CADM2: variants seen among roughly 807,000 people sequenced by gnomAD.
The protein encoded by CADM2 is cell adhesion molecule 2, also known as immunoglobulin superfamily member 4D.
A neutral mutation model predicts 49.8 loss-of-function variants in CADM2; 12 were observed. The observed-to-expected ratio is 0.24, with a 90% CI of 0.15 to 0.39. CADM2 has a LOEUF of 0.39. Ranked by LOEUF, CADM2 falls within the 10% of genes least tolerant of loss-of-function variation. The probability of loss-of-function intolerance (pLI) is 1.00; values close to 1 mark genes in which losing one functional copy is unlikely to be tolerated. For missense variants in CADM2, 378 were observed against 492.3 expected (o/e 0.77, Z 2.20); for synonymous variants, 214 against 175.4 (o/e 1.22, Z -1.74).
chr3:85,296,602 G>A (rs1469209034), intron 1 of CADM2, among the ~76,000 whole-genome samples: 2 of 151,924 alleles, frequency 1.3e-5, no homozygotes, highest in Non-Finnish European at 2.9e-5. Context: ...TGATACCTTA[G>A]AGTCTCACTC....
At chr3:85,911,702 G>A (rs1358533032) in intron 5 of CADM2, among the ~76,000 whole-genome samples, 1 of 152,024 alleles carries the variant, frequency 6.6e-6, no homozygotes, top group African/African-American at 2.4e-5. Flanking sequence ...CTTCCTAACT[G>A]TGCTTGTGGC....
chr3:85,545,665 AT>A (rs1382883205), intron 1 of CADM2, among the ~76,000 whole-genome samples: 16 of 152,174 alleles, frequency 1.1e-4, no homozygotes, highest in Admixed American at 1.0e-3. Flanking sequence ...TGTTTGATGC[AT>A]CCAATATGGA....
intron 1 of CADM2, among the ~76,000 whole-genome samples, chr3:85,411,197 A>G (rs2035641588): frequency 6.6e-6 from 1 of 152,100 alleles, no homozygotes; most frequent in Non-Finnish European, 1.5e-5. Flanking sequence ...AAGCAATATG[A>G]CTTCAGAAAA....
intron 1 of CADM2, among the ~76,000 whole-genome samples, chr3:85,132,323 A>C (rs2039259186): frequency 6.6e-6 from 1 of 152,184 alleles, no homozygotes; most frequent in African/African-American, 2.4e-5. Context: ...AACTGGCCTT[A>C]TATTGTCCAT....
chr3:86,062,791 A>G (rs1738833139), intron 8 of CADM2, among the ~76,000 whole-genome samples: 2 of 150,932 alleles, frequency 1.3e-5, no homozygotes, highest in Non-Finnish European at 2.9e-5. Context: ...AAAACGAAAC[A>G]TAGTGTGTAT....
At chr3:86,017,152 A>ATATG (rs1559803027) in intron 8 of CADM2, among the ~76,000 whole-genome samples, 13 of 135,336 alleles carry the variant, frequency 9.6e-5, no homozygotes, top group African/African-American at 4.2e-4. Context: ...GTGTATATAT[A>ATATG]TGTGTGTGTG....
intron 1 of CADM2, among the ~76,000 whole-genome samples, chr3:85,226,552 A>G (rs1204778006): frequency 6.7e-6 from 1 of 149,804 alleles, no homozygotes; most frequent in Non-Finnish European, 1.5e-5. Flanking sequence ...TATTTTGTTG[A>G]TCTTTTCCAA....
intron 1 of CADM2, among the ~76,000 whole-genome samples, chr3:85,510,790 T>C (rs980895574): frequency 8.5e-5 from 13 of 152,180 alleles, no homozygotes; most frequent in African/African-American, 3.1e-4. Context: ...ATAAAAACAA[T>C]TGAGTTTCTA....
intron 1 of CADM2, among the ~76,000 whole-genome samples, chr3:85,187,586 C>A (rs1252903066): frequency 6.6e-6 from 1 of 152,046 alleles, no homozygotes; most frequent in Non-Finnish European, 1.5e-5. Flanking sequence ...TGAACCTCCT[C>A]TGGCCTGAAA....
chr3:85,891,082 T>C (rs760164333), intron 5 of CADM2, among the ~76,000 whole-genome samples: 23 of 152,180 alleles, frequency 1.5e-4, no homozygotes, highest in Admixed American at 3.3e-4. Context: ...AACTCTGTTT[T>C]TTATCCCCTT....
intron 8 of CADM2, among the ~76,000 whole-genome samples, chr3:85,999,800 C>T (rs887966126): frequency 6.6e-6 from 1 of 151,864 alleles, no homozygotes; most frequent in Non-Finnish European, 1.5e-5. Flanking sequence ...CTTTAAAAGT[C>T]GATGGGACAT....
intron 1 of CADM2, among the ~76,000 whole-genome samples, chr3:85,620,445 A>G (rs2063938354): frequency 6.6e-6 from 1 of 152,058 alleles, no homozygotes; most frequent in Non-Finnish European, 1.5e-5. Context: ...TCTAAATAAA[A>G]CAACTTAAAA....
chr3:85,238,583 T>C (rs2042460551), intron 1 of CADM2, among the ~76,000 whole-genome samples: 1 of 151,696 alleles, frequency 6.6e-6, no homozygotes, highest in Admixed American at 6.6e-5. Context: ...ACTAGCCAGA[T>C]CAACAGCTTA....
intron 1 of CADM2, among the ~76,000 whole-genome samples, chr3:85,258,124 T>A (rs2042931618): frequency 6.6e-6 from 1 of 152,090 alleles, no homozygotes; most frequent in South Asian, 2.1e-4. Context: ...GGCCCTTGTG[T>A]GAGGCAGCTC....
chr3:85,069,710 C>T (rs1269222159), intron 1 of CADM2, among the ~76,000 whole-genome samples: 1 of 152,018 alleles, frequency 6.6e-6, no homozygotes, highest in African/African-American at 2.4e-5. Context: ...TCAGTATTAT[C>T]TTTGATAAAA....
intron 1 of CADM2, among the ~76,000 whole-genome samples, chr3:84,993,899 C>T (rs2033032741): frequency 6.6e-6 from 1 of 152,084 alleles, no homozygotes; most frequent in South Asian, 2.1e-4. Flanking sequence ...TCTTTTTCTT[C>T]TGTTAAAATT....
intron 2 of CADM2, among the ~76,000 whole-genome samples, chr3:85,747,584 G>T (rs545387838): frequency 4.6e-5 from 7 of 152,182 alleles, no homozygotes; most frequent in Non-Finnish European, 8.8e-5. Context: ...GCTGCTTCAA[G>T]AATGGTAAAA....
At chr3:85,868,811 T>C (rs1055259301) in intron 3 of CADM2, among the ~76,000 whole-genome samples, 2 of 152,190 alleles carry the variant, frequency 1.3e-5, no homozygotes, top group Non-Finnish European at 2.9e-5. Context: ...TCAAGTTGGT[T>C]AACGAAATCA....
At position 85,664,957 on chromosome 3, in the gene CADM2, C is replaced by T. The variant is rs116106680; in HGVS notation, c.62-61565C>T. ...ACTCACTTTAATTTTGTTCTCTTTCCACCAACTAGAATGTAAGCTTCATGA... is the reference window on the plus strand; with the variant it reads ...ACTCACTTTAATTTTGTTCTCTTTCTACCAACTAGAATGTAAGCTTCATGA... On this transcript the variant is annotated intron_variant, in intron 1 of 9. Coordinates refer to ENST00000383699, the MANE Select transcript of CADM2 (RefSeq NM_001167675.2). Among the ~76,000 whole-genome samples, 485 of 151,930 alleles carry T rather than the reference C, an allele frequency of 3.2e-3. 3 individuals carry two copies. Among genetic ancestry groups the T allele is most frequent in the African/African-American group, 0.011 (463 of 41,486 alleles).
Sources: gnomAD v4.1 joint callset for allele counts (sites outside exome capture counted in the v4.1 genomes callset) on GRCh38, gnomAD v4.1.1 for gene constraint, MANE v1.5 for transcripts, NCBI Gene and HGNC (gene_info 2026-07-23, HGNC 2026-07-21) for gene names.